TMEM229B: variants seen among roughly 807,000 people sequenced by gnomAD.
TMEM229B encodes the protein transmembrane protein 229B, also known as chromosome 14 open reading frame 83.
A neutral mutation model predicts 13.7 loss-of-function variants in TMEM229B; 6 were observed. The observed-to-expected ratio is 0.44, with a 90% CI of 0.24 to 0.86. The LOEUF (loss-of-function observed/expected upper bound fraction) is 0.86, where lower values mean the gene tolerates loss of function less well. TMEM229B is among the 40% of genes least tolerant of loss of function. The pLI, the probability that TMEM229B is intolerant of heterozygous loss-of-function variation, is 0.23. For missense variants in TMEM229B, 170 were observed against 236.0 expected, an observed-to-expected ratio of 0.72 and a Z score of 1.83; for synonymous variants, 107 against 102.1, an observed-to-expected ratio of 1.05 and a Z score of -0.29.
At chr14:67,519,317 A>G, upstream of TMEM229B, among the ~76,000 whole-genome samples, 1 of 152,346 alleles carries the variant, frequency 6.6e-6, no homozygotes, top group East Asian at 1.9e-4. Context: ...TTTAAAGGGA[A>G]TGCTGGCAAA....
intron 1 of TMEM229B, among the ~76,000 whole-genome samples, chr14:67,531,011 A>G (rs981537159): frequency 3.3e-5 from 5 of 152,322 alleles, no homozygotes; most frequent in African/African-American, 1.2e-4. Context: ...TTCTTTCACA[A>G]GAATGCCCTA....
chr14:67,489,805 ATG>A (rs2032084657), upstream of TMEM229B, among the ~76,000 whole-genome samples: 2 of 152,214 alleles, frequency 1.3e-5, no homozygotes, highest in Non-Finnish European at 2.9e-5. Flanking sequence ...CCTGGCTAAC[ATG>A]GTGAAACCCC....
intron 1 of TMEM229B, among the ~76,000 whole-genome samples, chr14:67,509,616 G>A (rs2032959535): frequency 6.6e-6 from 1 of 152,142 alleles, no homozygotes; most frequent in Non-Finnish European, 1.5e-5. Context: ...ACCGCACCTG[G>A]TCAATTCTCC....
chr14:67,528,372 C>T (rs1234876015), intron 1 of TMEM229B, among the ~76,000 whole-genome samples: 1 of 152,158 alleles, frequency 6.6e-6, no homozygotes, highest in Non-Finnish European at 1.5e-5. Flanking sequence ...GTTTCCTTGG[C>T]TTCTTGGAGC....
intron 1 of TMEM229B, among the ~76,000 whole-genome samples, chr14:67,529,886 C>G (rs919132976): frequency 6.6e-6 from 1 of 152,212 alleles, no homozygotes; most frequent in African/African-American, 2.4e-5. Context: ...TTCTTCTCCC[C>G]TCTCTTCCCC....
chr14:67,480,379 G>C (rs930437286), intron 2 of TMEM229B, among the ~76,000 whole-genome samples: 3 of 152,162 alleles, frequency 2.0e-5, no homozygotes, highest in Admixed American at 1.3e-4. Context: ...GACATCCCGG[G>C]AGACTGAAGG....
At chr14:67,485,935 C>T (rs1042663339) in intron 2 of TMEM229B, among the ~76,000 whole-genome samples, 3 of 152,226 alleles carry the variant, frequency 2.0e-5, no homozygotes, top group Non-Finnish European at 4.4e-5. Flanking sequence ...CCCCCCACCT[C>T]CCAGGGCCCT....
chr14:67,515,408 C>A (rs2033174746), exon 1 of TMEM229B: 3 of 134,188 alleles, frequency 2.2e-5, no homozygotes, highest in East Asian at 4.4e-4. Flanking sequence ...AAGGAGCCCC[C>A]GGCGGCGGCG....
Position 67,470,527 on chromosome 14 carries a change from C to A in TMEM229B, c.*2893G>T, listed in dbSNP as rs912789265. 1 of 152,628 alleles carries A rather than the reference C, an allele frequency of 6.6e-6. No homozygotes were observed. The highest frequency in any genetic ancestry group is 2.4e-5 in the African/African-American group (1 of 41,448). The allele number at this position is 152,628 out of a possible 1,614,324, so 9.5% of individuals were successfully genotyped here. A position where few individuals can be genotyped will look rare whatever the true frequency, so the allele number is the denominator to read the frequency against. Reference sequence around the variant, plus strand: ...GCTCCCCTAAGGGCTGGGCCTCTAACCTGTCTGCATCCCAGGGTGATGCCT... The same window carrying A: ...GCTCCCCTAAGGGCTGGGCCTCTAAACTGTCTGCATCCCAGGGTGATGCCT... On this transcript the variant is annotated 3_prime_UTR_variant, in exon 3 of 3. Transcript: ENST00000554480.
intron 1 of TMEM229B, among the ~76,000 whole-genome samples, chr14:67,522,034 C>T (rs1230737070): frequency 6.6e-6 from 1 of 152,108 alleles, no homozygotes; most frequent in Non-Finnish European, 1.5e-5. Context: ...ATTAGCCGGG[C>T]ATGGTGGAGC....
chr14:67,524,728 T>A (rs1594723467), intron 1 of TMEM229B, among the ~76,000 whole-genome samples: 1 of 152,314 alleles, frequency 6.6e-6, no homozygotes, highest in South Asian at 2.1e-4. Flanking sequence ...CACAAGAACA[T>A]ACTGTATAAT....
At chr14:67,522,742 G>A (rs1234515619) in intron 1 of TMEM229B, among the ~76,000 whole-genome samples, 1 of 152,160 alleles carries the variant, frequency 6.6e-6, no homozygotes, top group East Asian at 1.9e-4. Context: ...GGAGCCGGCT[G>A]AGAGACAGCC....
chr14:67,517,706 T>C (rs1314693333), upstream of TMEM229B, among the ~76,000 whole-genome samples: 1 of 152,152 alleles, frequency 6.6e-6, no homozygotes, highest in Non-Finnish European at 1.5e-5. Context: ...CCCAAAAAAA[T>C]TTAGATAGTA....
chr14:67,489,980 A>G (rs542664291), upstream of TMEM229B, among the ~76,000 whole-genome samples: 1 of 133,016 alleles, frequency 7.5e-6, no homozygotes, highest in African/African-American at 2.9e-5. Flanking sequence ...ACAGAGCGAG[A>G]CTCCGTCTCA....
At chr14:67,518,771 G>C (rs1476244665), upstream of TMEM229B, among the ~76,000 whole-genome samples, 1 of 152,196 alleles carries the variant, frequency 6.6e-6, no homozygotes, top group Non-Finnish European at 1.5e-5. Context: ...AGAGAGAATT[G>C]GTTCCCAGGG....
intron 1 of TMEM229B, among the ~76,000 whole-genome samples, chr14:67,523,629 C>A (rs566701852): frequency 1.3e-5 from 2 of 152,324 alleles, no homozygotes; most frequent in Non-Finnish European, 1.5e-5. Context: ...GGGGCTGTTT[C>A]TGTGGCCATG....
intron 2 of TMEM229B, among the ~76,000 whole-genome samples, chr14:67,479,611 G>T (rs1014594056): frequency 6.6e-6 from 1 of 152,022 alleles, no homozygotes; most frequent in East Asian, 1.9e-4. Context: ...CCAGCTACTC[G>T]GGAGGCTGAG....
intron 1 of TMEM229B, among the ~76,000 whole-genome samples, chr14:67,527,085 T>C (rs2033379046): frequency 6.6e-6 from 1 of 152,230 alleles, no homozygotes; most frequent in Non-Finnish European, 1.5e-5. Flanking sequence ...CCCAGGGTAC[T>C]TGTGGCTCAC....
intron 1 of TMEM229B, among the ~76,000 whole-genome samples, chr14:67,522,397 T>A (rs1212423407): frequency 6.6e-6 from 1 of 152,186 alleles, no homozygotes; most frequent in East Asian, 1.9e-4. Context: ...TTTGCCAGGA[T>A]ACAAGAAGCT....
Sources: gnomAD v4.1 joint callset for allele counts (sites outside exome capture counted in the v4.1 genomes callset) on GRCh38, gnomAD v4.1.1 for gene constraint, MANE v1.5 for transcripts, NCBI Gene and HGNC (gene_info 2026-07-23, HGNC 2026-07-21) for gene names.